Variants in PHF8 observed in about 807,000 individuals in gnomAD.
PHF8 encodes PHD finger protein 8.
A neutral mutation model predicts 74.4 loss-of-function variants in PHF8; 9 were observed. That is an observed-to-expected ratio of 0.12 (90% CI 0.07 to 0.21). The LOEUF (loss-of-function observed/expected upper bound fraction) is 0.21. PHF8 is among the 10% of genes least tolerant of loss of function. PHF8 has a pLI of 1.00. For synonymous variants in PHF8, 311 were observed against 316.6 expected, an observed-to-expected ratio of 0.98 and a Z score of 0.19; for missense variants, 478 against 816.6, an observed-to-expected ratio of 0.59 and a Z score of 5.05.
chrX:53,945,000 C>T (rs951202258), intron 19 of PHF8, among the ~76,000 whole-genome samples: 4 of 109,272 alleles, frequency 3.7e-5, no homozygotes, highest in Admixed American at 9.9e-5. Context: ...CCAGCCTCAG[C>T]GACACAGTGA....
At chrX:53,973,739 G>A (rs782180892) in intron 18 of PHF8, among the ~76,000 whole-genome samples, 3 of 111,572 alleles carry the variant, frequency 2.7e-5, no homozygotes, top group South Asian at 7.3e-4. Flanking sequence ...CACAGGCAAA[G>A]ATTTTATGAC....
intron 18 of PHF8, among the ~76,000 whole-genome samples, chrX:53,967,141 G>A (rs1163555608): frequency 6.1e-5 from 6 of 98,755 alleles, no homozygotes; most frequent in Non-Finnish European, 1.0e-4. Flanking sequence ...GGAGGGAGGT[G>A]GGGGGTCAGC....
chrX:53,988,347 C>T (rs1454785396), intron 14 of PHF8, among the ~76,000 whole-genome samples: 1 of 111,249 alleles, frequency 9.0e-6, no homozygotes, highest in African/African-American at 3.3e-5. Flanking sequence ...GTAGAAGTTG[C>T]TGAGAAAAAT....
chrX:54,011,084 C>T (rs782360168), intron 8 of PHF8, 38 bp downstream of exon 8: 4 of 1,164,654 alleles, frequency 3.4e-6, no homozygotes, highest in Non-Finnish European at 4.7e-6. Context: ...CTTCTTTCCA[C>T]CCTCCCCAAA....
chrX:54,043,059 T>G, intron 1 of PHF8: 3 of 307,586 alleles, frequency 9.8e-6, no homozygotes, highest in East Asian at 5.4e-5. Context: ...ACCCCCCACC[T>G]TCTTCGGCCC....
intron 11 of PHF8, among the ~76,000 whole-genome samples, chrX:53,996,468 T>C (rs1557102930): frequency 9.2e-6 from 1 of 108,596 alleles, no homozygotes; most frequent in African/African-American, 3.4e-5. Flanking sequence ...TATCGTTACG[T>C]ATGGCCCAAG....
At chrX:53,991,933 C>T (rs782403791) in intron 14 of PHF8, among the ~76,000 whole-genome samples, 127 of 110,994 alleles carry the variant, frequency 1.1e-3, no homozygotes, top group African/African-American at 3.8e-3. Flanking sequence ...CATTGGTTGT[C>T]CATGGGAAGG....
chrX:53,939,020 C>T lies in PHF8; in HGVS notation c.*138G>A. 1.9e-6 allele frequency: 2 copies of T among 1,073,305 alleles called. No individual in the cohort carries two copies. The highest frequency in any genetic ancestry group is 2.4e-6 in the Non-Finnish European group (2 of 827,286). 88.5% of individuals were successfully genotyped at this position (1,073,305 alleles called of 1,213,427 possible). A position where few individuals can be genotyped will look rare whatever the true frequency, so the allele number is the denominator to read the frequency against. On this transcript the variant is annotated 3_prime_UTR_variant, in exon 22 of 22. Coordinates refer to ENST00000338154, the MANE Select transcript of PHF8 (RefSeq NM_015107.3). Reference sequence around the variant, plus strand: ...GAAGGAGTCGGTGGAGGGGTCCGTGCCTTTGGTAAGTCCCAAGAAAGCAGG... The same window carrying T: ...GAAGGAGTCGGTGGAGGGGTCCGTGTCTTTGGTAAGTCCCAAGAAAGCAGG...
intron 2 of PHF8, among the ~76,000 whole-genome samples, chrX:54,026,922 T>C (rs1441395608): frequency 9.0e-6 from 1 of 111,555 alleles, no homozygotes; most frequent in Admixed American, 9.6e-5. Context: ...CTTCTACACT[T>C]GATCTTAGCC....
intron 19 of PHF8, among the ~76,000 whole-genome samples, chrX:53,951,107 A>G (rs1028599343): frequency 8.9e-6 from 1 of 112,456 alleles, no homozygotes; most frequent in Non-Finnish European, 1.9e-5. Context: ...AAAAGAAACC[A>G]AACAGTTATT....
intron 19 of PHF8, among the ~76,000 whole-genome samples, chrX:53,958,185 G>C (rs1275107548): frequency 2.8e-5 from 3 of 108,914 alleles, no homozygotes; most frequent in Non-Finnish European, 5.7e-5. Context: ...GGGACTACAG[G>C]CGTGCGCCAC....
At chrX:54,016,762 C>T (rs782769285) in intron 5 of PHF8, 26 bp from the exon 6 acceptor site, 1 of 1,172,994 alleles carries the variant, frequency 8.5e-7, no homozygotes, top group Non-Finnish European at 1.2e-6. Context: ...AGGTTCTGCA[C>T]CAAGTAGTCT....
At chrX:53,953,955 A>G (rs2149786383) in intron 19 of PHF8, among the ~76,000 whole-genome samples, 1 of 111,749 alleles carries the variant, frequency 8.9e-6, no homozygotes, top group African/African-American at 3.2e-5. Context: ...GAAAACTACA[A>G]TGGCTATACT....
At chrX:53,980,874 C>T (rs2065469422) in intron 18 of PHF8, among the ~76,000 whole-genome samples, 1 of 112,548 alleles carries the variant, frequency 8.9e-6, no homozygotes, top group African/African-American at 3.2e-5. Flanking sequence ...TGTTTGAAGA[C>T]AGAAACAAAA....
chrX:53,947,857 T>C (rs1557085606), intron 19 of PHF8, among the ~76,000 whole-genome samples: 1 of 112,217 alleles, frequency 8.9e-6, no homozygotes, highest in East Asian at 2.8e-4. Context: ...GCTAGTCACA[T>C]GGAGAGGCCA....
At position 54,009,844 on chromosome X, in the gene PHF8, G is replaced by GGAAAAAAAAAAAAAAAAAAAAAA. The variant is rs2065952773; in HGVS notation, c.946+1277_946+1278insTTTTTTTTTTTTTTTTTTTTTTC. On this transcript the variant is annotated intron_variant, in intron 8 of 21. Coordinates refer to ENST00000338154, the MANE Select transcript of PHF8 (RefSeq NM_015107.3). Reference sequence around the variant, plus strand: ...GGTGACAGAGTGAGACTCTGTCTCAGAAAAAAAAAAAAAAAAAAAAAAAAA... The same window carrying GGAAAAAAAAAAAAAAAAAAAAAA: ...GGTGACAGAGTGAGACTCTGTCTCAGGAAAAAAAAAAAAAAAAAAAAAAAAAAAAAAAAAAAAAAAAAAAAAAA... 9.6e-4 allele frequency among the ~76,000 whole-genome samples: 9 copies of GGAAAAAAAAAAAAAAAAAAAAAA among 9,390 alleles called. 3 individuals are homozygous for GGAAAAAAAAAAAAAAAAAAAAAA. Among genetic ancestry groups the GGAAAAAAAAAAAAAAAAAAAAAA allele is most frequent in the Admixed American group, 2.8e-3 (1 of 358 alleles). The allele number at this position is 9,390 out of a possible 115,157, so 8.2% of individuals were successfully genotyped here. A position where few individuals can be genotyped will look rare whatever the true frequency, so the allele number is the denominator to read the frequency against.
At chrX:54,039,178 T>G (rs1381155293) in intron 2 of PHF8, among the ~76,000 whole-genome samples, 1 of 108,527 alleles carries the variant, frequency 9.2e-6, no homozygotes, top group Non-Finnish European at 1.9e-5. Flanking sequence ...TATGAACAGA[T>G]TTCTATCACC....
chrX:54,043,305 TCTTCAGGTTACTCAAAGC>T (rs2066595449), intron 1 of PHF8: 1 of 141,147 alleles, frequency 7.1e-6, no homozygotes, highest in African/African-American at 3.2e-5. Flanking sequence ...CCTGAAAGTC[TCTTCAGGTTACTCAAAGC>T]CTTCACGAAC....
rs1214778792 is a variant in PHF8, at chrX:54,036,601, CT to C, written c.98+6029del. On this transcript the variant is annotated intron_variant, in intron 2 of 21. Coordinates refer to ENST00000338154, the MANE Select transcript of PHF8 (RefSeq NM_015107.3). Reference sequence around the variant, plus strand: ...AAAAAAAAAAAAAAAAAAAAAAAAACTTTTTTTTTTTTTAATGCCTTGAACT... The same window carrying C: ...AAAAAAAAAAAAAAAAAAAAAAAAACTTTTTTTTTTTTAATGCCTTGAACT... Among the ~76,000 whole-genome samples, 232 of 52,520 alleles carry C rather than the reference CT, an allele frequency of 4.4e-3. 4 individuals are homozygous for C. Among genetic ancestry groups the C allele is most frequent in the African/African-American group, 0.015 (189 of 12,797 alleles). 45.6% of individuals were successfully genotyped at this position (52,520 alleles called of 115,157 possible).
Sources: gnomAD v4.1 joint callset for allele counts (sites outside exome capture counted in the v4.1 genomes callset) on GRCh38, gnomAD v4.1.1 for gene constraint, MANE v1.5 for transcripts, NCBI Gene and HGNC (gene_info 2026-07-23, HGNC 2026-07-21) for gene names.